DIP2B: variants seen among roughly 807,000 people sequenced by gnomAD.
DIP2B encodes the protein disco-interacting protein 2 homolog B.
DIP2B carries 76 observed loss-of-function variants against 198.0 expected under a neutral mutation model. The ratio of observed to expected loss-of-function variants is 0.38; its 90% confidence interval spans 0.32 to 0.46. The LOEUF (loss-of-function observed/expected upper bound fraction) is 0.46. DIP2B is among the 20% of genes least tolerant of loss of function. The pLI is 0.99. For synonymous variants in DIP2B, 701 were observed against 739.1 expected, an observed-to-expected ratio of 0.95 and a Z score of 0.84; for missense variants, 1,559 against 1,978.4, an observed-to-expected ratio of 0.79 and a Z score of 4.02.
At chr12:50,594,413 C>G (rs1397845361) in intron 1 of DIP2B, among the ~76,000 whole-genome samples, 1 of 152,086 alleles carries the variant, frequency 6.6e-6, no homozygotes, top group Non-Finnish European at 1.5e-5. Flanking sequence ...TAGTGTTTAC[C>G]TCAAGGGATT....
At chr12:50,576,622 G>C (rs1302356870) in intron 1 of DIP2B, among the ~76,000 whole-genome samples, 1 of 150,540 alleles carries the variant, frequency 6.6e-6, no homozygotes, top group African/African-American at 2.4e-5. Flanking sequence ...GGGACTACAG[G>C]CGCCCGTCAC....
At chr12:50,703,520 T>A (rs1261669790) in intron 19 of DIP2B, among the ~76,000 whole-genome samples, 7 of 152,348 alleles carry the variant, frequency 4.6e-5, no homozygotes, top group African/African-American at 9.6e-5. Context: ...CCAGCTGTAA[T>A]AAAAGACTGG....
intron 4 of DIP2B, among the ~76,000 whole-genome samples, chr12:50,666,321 A>G (rs1174438091): frequency 6.6e-6 from 1 of 152,204 alleles, no homozygotes; most frequent in Non-Finnish European, 1.5e-5. Context: ...AGTTCACTCA[A>G]CAGTTTTCTA....
At chr12:50,680,871 T>C (rs1939028812) in intron 9 of DIP2B, 108 bp downstream of exon 9, 1 of 1,065,392 alleles carries the variant, frequency 9.4e-7, no homozygotes, top group Admixed American at 2.2e-5. Flanking sequence ...TTTATGTAAC[T>C]CTTATTTTTG....
chr12:50,511,291 ATTTTTT>A (rs71083581), intron 1 of DIP2B, among the ~76,000 whole-genome samples: 28 of 64,662 alleles, frequency 4.3e-4, no homozygotes, highest in African/African-American at 1.6e-3. Context: ...TGTGATTTCT[ATTTTTT>A]TTTTTTTTTT....
chr12:50,689,921 A>G (rs887284550), intron 12 of DIP2B, among the ~76,000 whole-genome samples: 3 of 152,140 alleles, frequency 2.0e-5, no homozygotes, highest in African/African-American at 7.2e-5. Flanking sequence ...AATTTTGCAG[A>G]AAGGTTCGAT....
intron 28 of DIP2B, among the ~76,000 whole-genome samples, chr12:50,727,115 C>G (rs1939951614): frequency 6.6e-6 from 1 of 152,036 alleles, no homozygotes; most frequent in Non-Finnish European, 1.5e-5. Flanking sequence ...AAGACTCTGT[C>G]TCAAAAAAAG....
intron 1 of DIP2B, among the ~76,000 whole-genome samples, chr12:50,616,856 TCCTGGATAGTATTCACATCCTCTG>T (rs1229304567): frequency 6.6e-6 from 1 of 152,228 alleles, no homozygotes; most frequent in Non-Finnish European, 1.5e-5. Flanking sequence ...AGCCAGCTTC[TCCTGGATAGTATTCACATCCTCTG>T]CCTTTTTCAG....
rs564576914 is a variant in DIP2B, at chr12:50,545,185, C to A, written c.100+39945C>A. On this transcript the variant is annotated intron_variant, in intron 1 of 37. Transcript: ENST00000301180. ...TGGAATTGCTTGGTCTTAGGGTATG[C>A]GAATGTTCAGCTTCAGTGGTATTAC... 6.8e-4 allele frequency among the ~76,000 whole-genome samples: 103 copies of A among 152,188 alleles called. 1 individual carries two copies. The highest frequency in any genetic ancestry group is 3.4e-3 in the Middle Eastern group (1 of 294).
At chr12:50,689,231 C>T (rs1427675028) in intron 12 of DIP2B, among the ~76,000 whole-genome samples, 1 of 152,044 alleles carries the variant, frequency 6.6e-6, no homozygotes, top group Non-Finnish European at 1.5e-5. Flanking sequence ...AATTCTGTCT[C>T]TACAAAAAAT....
At chr12:50,567,116 C>G (rs1593615022) in intron 1 of DIP2B, among the ~76,000 whole-genome samples, 1 of 150,528 alleles carries the variant, frequency 6.6e-6, no homozygotes, top group East Asian at 1.9e-4. Context: ...ACACACTTTT[C>G]TGTTGTAAAA....
intron 1 of DIP2B, among the ~76,000 whole-genome samples, chr12:50,526,626 C>CTTTTTTTTTTTTTTTT (rs11423846): frequency 1.6e-5 from 1 of 64,182 alleles, no homozygotes; most frequent in African/African-American, 7.0e-5. Context: ...TTTCCTCTGC[C>CTTTTTTTTTTTTTTTT]TTTTTTTTTT....
chr12:50,655,897 C>T (rs1030301152), intron 3 of DIP2B, among the ~76,000 whole-genome samples: 2 of 152,142 alleles, frequency 1.3e-5, no homozygotes, highest in South Asian at 4.1e-4. Context: ...ATTGCTTGAG[C>T]CTGGGATGTG....
intron 1 of DIP2B, among the ~76,000 whole-genome samples, chr12:50,564,121 CGT>C (rs35975945): frequency 6.6e-6 from 1 of 150,892 alleles, no homozygotes; most frequent in African/African-American, 2.4e-5. Context: ...TGGGTTCTTG[CGT>C]GTGTGTGTGT....
chr12:50,569,997 A>C (rs954098042), intron 1 of DIP2B, among the ~76,000 whole-genome samples: 5 of 152,184 alleles, frequency 3.3e-5, no homozygotes, highest in African/African-American at 9.7e-5. Flanking sequence ...AATCTTTTGC[A>C]GTTTGGTTGT....
At chr12:50,729,070 G>T (rs560685894) in intron 30 of DIP2B, among the ~76,000 whole-genome samples, 1 of 152,282 alleles carries the variant, frequency 6.6e-6, no homozygotes. Context: ...CATGTGGATG[G>T]AAAGTAGCAC....
In DIP2B at chr12:50,512,360, GC is replaced by G. The variant is rs1189777030; in HGVS notation, c.100+7122del. Among the ~76,000 whole-genome samples the G allele has an allele frequency of 1.3e-3, 205 of 152,242 alleles. 4 individuals carry two copies. The highest frequency in any genetic ancestry group is 7.7e-3 in the East Asian group (40 of 5,176). ...GACCTCCGGTGATCTGCCCGCATCG[GC>G]CTCCCAGAGTCCCGGGATTACAGGC... On this transcript the variant is annotated intron_variant, in intron 1 of 37. Transcript: ENST00000301180.
intron 28 of DIP2B, 54 bp downstream of exon 28, chr12:50,724,940 A>T: frequency 1.3e-6 from 2 of 1,542,312 alleles, no homozygotes; most frequent in South Asian, 1.1e-5. Context: ...ACAATACCTG[A>T]GATCTCCTCC....
At position 50,731,363 on chromosome 12, in the gene DIP2B, C is replaced by T. The variant is rs767518914; in HGVS notation, c.3642-6C>T. 2 of 1,612,252 alleles carry T rather than the reference C, an allele frequency of 1.2e-6. No individual in the cohort carries two copies. The highest frequency in any genetic ancestry group is 1.1e-5 in the South Asian group (1 of 90,856). ...ATGATTCCAGCTCTTGTCTCTTTCACTGCAGTGTCTATTCAGGCCACCAGT... is the reference window on the plus strand; with the variant it reads ...ATGATTCCAGCTCTTGTCTCTTTCATTGCAGTGTCTATTCAGGCCACCAGT... On this transcript the variant is annotated splice_region_variant and splice_polypyrimidine_tract_variant and intron_variant, in intron 30 of 37. Transcript: ENST00000301180.
Sources: allele counts gnomAD v4.1 joint callset (sites outside exome capture counted in the v4.1 genomes callset), GRCh38; gene constraint gnomAD v4.1.1; transcripts MANE v1.5; gene names NCBI Gene and HGNC (gene_info 2026-07-23, HGNC 2026-07-21).